The following NFASC variants were observed in gnomAD, a reference collection of about 807,000 sequenced individuals.
NFASC encodes neurofascin, also known as neurofascin homolog.
Under a neutral mutation model 147.5 loss-of-function variants are expected in NFASC, and 43 were observed. That is an observed-to-expected ratio of 0.29 (90% CI 0.23 to 0.38). The LOEUF (loss-of-function observed/expected upper bound fraction) is 0.38, where lower values mean the gene tolerates loss of function less well. NFASC is among the 10% of genes least tolerant of loss of function. NFASC has a pLI of 1.00. For missense variants in NFASC, 1,320 were observed against 1,689.0 expected (o/e 0.78, Z 3.83); for synonymous variants, 622 against 665.5 (o/e 0.93, Z 1.01).
Position 204,954,584 on chromosome 1 carries a change from A to G in NFASC, c.412+200A>G, listed in dbSNP as rs949950695. Among the ~76,000 whole-genome samples the G allele has an allele frequency of 1.1e-4, 16 of 152,186 alleles. No homozygotes were observed. Among genetic ancestry groups the G allele is most frequent in the African/African-American group, 3.6e-4 (15 of 41,462 alleles). On this transcript the variant is annotated intron_variant, in intron 6 of 29. Transcript: ENST00000339876. This position sits in a 1 kb window ranked among gnomAD's most constrained non-coding sequence, Gnocchi z 5.7. ...TCCTTTTGAAGTTGTTGTCTGCAAC[A>G]ATTTCACTGGCCACTGCGGGCACAG...
chr1:204,997,198 G>A lies in NFASC; in HGVS notation c.2811G>A (p.Val937=). 3.1e-6 allele frequency: 5 copies of A among 1,613,352 alleles called. No individual in the cohort carries two copies. The highest frequency in any genetic ancestry group is 4.2e-6 in the Non-Finnish European group (5 of 1,179,482). ...CTCCCACATTGCCCCCGACTACCGT[G>A]GGTGCGACGGGCGCTGTGAGCAGTA... The part of the protein sequence containing the change: ...AAPPTLPPTT[V]GATGAVSSTD... Residue 937 remains valine (V), a synonymous_variant, in exon 25 of 30, where the codon GTG becomes GTA. Transcript: ENST00000339876.
intron 21 of NFASC, chr1:204,985,941 A>G (rs1158500211): frequency 5.0e-6 from 8 of 1,613,722 alleles, no homozygotes; most frequent in Non-Finnish European, 5.1e-6. Flanking sequence ...AGCTTGCTGA[A>G]GAACCTGTGG....
At chr1:204,901,249 G>A (rs946170619) in intron 1 of NFASC, among the ~76,000 whole-genome samples, 1 of 152,104 alleles carries the variant, frequency 6.6e-6, no homozygotes, top group African/African-American at 2.4e-5. Flanking sequence ...AAAACTGGGA[G>A]TTTCCAGTAT....
chr1:204,842,948 G>C (rs1317850167), intron 1 of NFASC, among the ~76,000 whole-genome samples: 5 of 152,246 alleles, frequency 3.3e-5, no homozygotes, highest in African/African-American at 9.6e-5. Context: ...AATGAATGCT[G>C]TATGCTGGGC....
chr1:204,871,527 G>A (rs980065341), intron 1 of NFASC, among the ~76,000 whole-genome samples: 1 of 152,194 alleles, frequency 6.6e-6, no homozygotes, highest in Non-Finnish European at 1.5e-5. Context: ...TCTGTCCTAC[G>A]TTAGTCTTCT....
At chr1:204,857,551 C>T (rs934917227) in intron 1 of NFASC, among the ~76,000 whole-genome samples, 26 of 152,210 alleles carry the variant, frequency 1.7e-4, no homozygotes, top group Admixed American at 5.2e-4. Flanking sequence ...TCTCCCCTGT[C>T]GCAGCCCCCA....
chr1:204,943,276 C>G (rs1255111864), intron 2 of NFASC, among the ~76,000 whole-genome samples: 2 of 152,182 alleles, frequency 1.3e-5, no homozygotes, highest in Admixed American at 1.3e-4. Context: ...ATTTGAGTCT[C>G]AGCTGTAGGC....
intron 1 of NFASC, among the ~76,000 whole-genome samples, chr1:204,886,087 G>A (rs554453417): frequency 1.7e-4 from 26 of 152,300 alleles, no homozygotes; most frequent in African/African-American, 4.3e-4. Context: ...TCTGCAAGCC[G>A]CCTAATCAGG....
intron 2 of NFASC, among the ~76,000 whole-genome samples, chr1:204,934,151 AAAAC>A (rs1035405795): frequency 7.3e-5 from 11 of 151,596 alleles, no homozygotes; most frequent in Non-Finnish European, 1.6e-4. Flanking sequence ...AAAAAAAAAA[AAAAC>A]AGATGAGAGA....
At chr1:204,951,597 T>G (rs1002172345) in intron 4 of NFASC, among the ~76,000 whole-genome samples, 4 of 151,642 alleles carry the variant, frequency 2.6e-5, no homozygotes, top group African/African-American at 9.7e-5. Flanking sequence ...GCCTCCCGAG[T>G]AGCTGGGACT....
At chr1:204,872,534 G>A (rs1046009009) in intron 1 of NFASC, among the ~76,000 whole-genome samples, 9 of 152,318 alleles carry the variant, frequency 5.9e-5, no homozygotes, top group East Asian at 1.9e-4. Context: ...CAACTCAACC[G>A]CAGTCAGCCG....
intron 2 of NFASC, among the ~76,000 whole-genome samples, chr1:204,942,435 G>C (rs1345299757): frequency 6.6e-6 from 1 of 152,186 alleles, no homozygotes; most frequent in Non-Finnish European, 1.5e-5. Flanking sequence ...GCATTATGCA[G>C]GGCCTCTGAG....
At chr1:204,935,076 G>A (rs2092714000) in intron 2 of NFASC, among the ~76,000 whole-genome samples, 1 of 152,180 alleles carries the variant, frequency 6.6e-6, no homozygotes, top group Non-Finnish European at 1.5e-5. Flanking sequence ...ATTCCAAAAT[G>A]CTCTAAGAGC....
At chr1:204,833,012 A>G (rs1672676712) in intron 1 of NFASC, among the ~76,000 whole-genome samples, 1 of 152,246 alleles carries the variant, frequency 6.6e-6, no homozygotes, top group Non-Finnish European at 1.5e-5. Context: ...TGGTCCCTGG[A>G]CTGCAGAAGA....
At chr1:204,925,471 G>A (rs2091324611) in intron 2 of NFASC, among the ~76,000 whole-genome samples, 1 of 152,196 alleles carries the variant, frequency 6.6e-6, no homozygotes, top group Admixed American at 6.5e-5. Context: ...CCCCTGGTCT[G>A]CATGGCTTCC....
chr1:204,967,348 G>A (rs1021783069), intron 8 of NFASC, among the ~76,000 whole-genome samples: 1 of 152,122 alleles, frequency 6.6e-6, no homozygotes, highest in Admixed American at 6.5e-5. Flanking sequence ...TGGGGGAAGA[G>A]GTGAGGCTCG....
chr1:205,016,104 A>C lies in NFASC; in HGVS notation c.3492-204A>C, dbSNP rs1395797980. Among the ~76,000 whole-genome samples the C allele has an allele frequency of 2.0e-5, 3 of 152,204 alleles. No homozygotes were observed. The highest frequency in any genetic ancestry group is 4.4e-5 in the Non-Finnish European group (3 of 68,028). ...CACTCCCTGCCCTGCCCTGACCTGCAACCTCACCTTAGAGAAGGTGCTTGT... is the reference window on the plus strand; with the variant it reads ...CACTCCCTGCCCTGCCCTGACCTGCCACCTCACCTTAGAGAAGGTGCTTGT... On this transcript the variant is annotated intron_variant, in intron 29 of 29. Coordinates refer to ENST00000339876, the MANE Select transcript of NFASC (RefSeq NM_001005388.3). The surrounding 1 kb of genome is among the most constrained non-coding windows in gnomAD (Gnocchi z 5.1).
Position 205,016,627 on chromosome 1 carries a change from AC to A in NFASC, c.*90del. The A allele has an allele frequency of 1.1e-6, 1 of 901,600 alleles. No homozygotes were observed. The allele number at this position is 901,600 out of a possible 1,614,324, so 55.9% of individuals were successfully genotyped here. Reference sequence around the variant, plus strand: ...ACCACTGCAGACCTACCACGAAGCCACCACCACCTTCAGTAACAAGGGTACG... The same window carrying A: ...ACCACTGCAGACCTACCACGAAGCCACACCACCTTCAGTAACAAGGGTACG... On this transcript the variant is annotated 3_prime_UTR_variant, in exon 30 of 30. Transcript: ENST00000339876. This position sits in a 1 kb window ranked among gnomAD's most constrained non-coding sequence, Gnocchi z 5.1.
intron 4 of NFASC, among the ~76,000 whole-genome samples, chr1:204,951,361 A>T: frequency 7.8e-6 from 1 of 128,074 alleles, no homozygotes; most frequent in African/African-American, 3.0e-5. Context: ...ATGGGGTTTT[A>T]CCATGTTGGC....
Sources: gnomAD v4.1 joint callset for allele counts (sites outside exome capture counted in the v4.1 genomes callset) on GRCh38, gnomAD v4.1.1 for gene constraint, Gnocchi (gnomAD v3.1) non-coding constraint, MANE v1.5 for transcripts, NCBI Gene and HGNC (gene_info 2026-07-23, HGNC 2026-07-21) for gene names.